The following CACNA1A variants were observed in gnomAD, a reference collection of about 807,000 sequenced individuals.
CACNA1A encodes the protein voltage-dependent P/Q-type calcium channel subunit alpha-1A.
CACNA1A carries 57 observed loss-of-function variants against 262.4 expected under a neutral mutation model. That is an observed-to-expected ratio of 0.22 (90% CI 0.18 to 0.27). CACNA1A has a LOEUF of 0.27. CACNA1A is among the 10% of genes least tolerant of loss of function. CACNA1A has a pLI of 1.00. For missense variants in CACNA1A, 2,526 were observed against 3,562.8 expected, an observed-to-expected ratio of 0.71 and a Z score of 7.41; for synonymous variants, 1,431 against 1,419.3, an observed-to-expected ratio of 1.01 and a Z score of -0.18.
In CACNA1A at chr19:13,212,283, AG is replaced by A; in HGVS notation, c.6190-68del. The stretch of plus-strand genomic sequence containing the variant: ...ACCTCCAGATCCCTGGTGTCTGCAG[AG>A]GGAGGGAGCTGCAGGTGTGTGTGTG... On this transcript the variant is annotated intron_variant, in intron 42 of 46. Transcript: ENST00000360228. The surrounding 1 kb of genome is among the most constrained non-coding windows in gnomAD (Gnocchi z 5.6). 6.4e-7 allele frequency: 1 copy of A among 1,568,498 alleles called. No individual in the cohort carries two copies. The highest frequency in any genetic ancestry group is 8.8e-7 in the Non-Finnish European group (1 of 1,140,698).
intron 22 of CACNA1A, among the ~76,000 whole-genome samples, chr19:13,282,538 T>A (rs2057315618): frequency 6.6e-6 from 1 of 151,834 alleles, no homozygotes; most frequent in South Asian, 2.1e-4. Flanking sequence ...ATACAGTAGG[T>A]GATTAGTAAA....
At chr19:13,443,669 A>G (rs2060763233) in intron 3 of CACNA1A, among the ~76,000 whole-genome samples, 1 of 152,162 alleles carries the variant, frequency 6.6e-6, no homozygotes, top group Non-Finnish European at 1.5e-5. Flanking sequence ...ATCATATTGT[A>G]AGCACCTCAT....
intron 10 of CACNA1A, among the ~76,000 whole-genome samples, chr19:13,321,497 A>G (rs1030628636): frequency 6.6e-6 from 1 of 152,170 alleles, no homozygotes; most frequent in African/African-American, 2.4e-5. Context: ...ATTGTTAGGC[A>G]ATTTTGTCCT....
chr19:13,467,260 C>A (rs116317348), intron 1 of CACNA1A, among the ~76,000 whole-genome samples: 3,050 of 152,014 alleles, frequency 0.02, 103 homozygotes, highest in African/African-American at 0.069. Flanking sequence ...ATTTTTTAAG[C>A]TTTTAAAAAA....
At chr19:13,296,732 G>C (rs1039389357) in intron 19 of CACNA1A, among the ~76,000 whole-genome samples, 5 of 151,442 alleles carry the variant, frequency 3.3e-5, no homozygotes, top group African/African-American at 9.7e-5. Flanking sequence ...CAATTCTAAC[G>C]GCCCAAAGTG....
intron 15 of CACNA1A, among the ~76,000 whole-genome samples, chr19:13,304,226 T>C (rs2057850860): frequency 6.6e-6 from 1 of 152,032 alleles, no homozygotes; most frequent in Non-Finnish European, 1.5e-5. Flanking sequence ...AATTCATGAG[T>C]TGAAGCCCTA....
intron 3 of CACNA1A, among the ~76,000 whole-genome samples, chr19:13,375,377 GGTCAGTGTATAACT>G (rs2059387489): frequency 6.6e-6 from 1 of 152,026 alleles, no homozygotes; most frequent in Non-Finnish European, 1.5e-5. Flanking sequence ...ATTGAAATTA[GGTCAGTGTATAACT>G]GTACAATGGC....
chr19:13,418,448 C>A (rs1196383035), intron 3 of CACNA1A, among the ~76,000 whole-genome samples: 1 of 152,030 alleles, frequency 6.6e-6, no homozygotes, highest in Non-Finnish European at 1.5e-5. Context: ...GGAATGCTAC[C>A]TTATTTAGAA....
intron 6 of CACNA1A, among the ~76,000 whole-genome samples, chr19:13,341,925 C>T (rs960285274): frequency 6.6e-6 from 1 of 152,172 alleles, no homozygotes; most frequent in Admixed American, 6.6e-5. Flanking sequence ...ATCTGGCACA[C>T]AGTCGGTGCT....
At chr19:13,452,272 C>T (rs989823264) in intron 3 of CACNA1A, 4 of 152,248 alleles carry the variant, frequency 2.6e-5, no homozygotes, top group East Asian at 1.9e-4. Flanking sequence ...ATTTCAACCA[C>T]AGTTCATCAT....
intron 3 of CACNA1A, among the ~76,000 whole-genome samples, chr19:13,392,896 G>A (rs1408691361): frequency 2.6e-5 from 4 of 152,120 alleles, no homozygotes; most frequent in African/African-American, 7.2e-5. Flanking sequence ...ACAGGCACAC[G>A]CCACCATGCT....
chr19:13,413,903 G>GAAAAGAAAAGAAAAGA lies in CACNA1A; in HGVS notation c.539+38972_539+38973insTCTTTTCTTTTCTTTT, dbSNP rs201393796. ...CAAGAAAGAAAGAAAGAAAAAGAAA[G>GAAAAGAAAAGAAAAGA]AAAGAAAGAAAGAAAGAAAGAAAGA... On this transcript the variant is annotated intron_variant, in intron 3 of 46. Coordinates refer to ENST00000360228, the MANE Select transcript of CACNA1A (RefSeq NM_001127222.2). Among the ~76,000 whole-genome samples, 158 of 59,296 alleles carry GAAAAGAAAAGAAAAGA rather than the reference G, an allele frequency of 2.7e-3. 3 individuals are homozygous for GAAAAGAAAAGAAAAGA. Among genetic ancestry groups the GAAAAGAAAAGAAAAGA allele is most frequent in the East Asian group, 0.021 (43 of 2,022 alleles). The allele number at this position is 59,296 out of a possible 152,430, so 38.9% of individuals were successfully genotyped here. A position where few individuals can be genotyped will look rare whatever the true frequency, so the allele number is the denominator to read the frequency against.
chr19:13,334,067 C>T, intron 8 of CACNA1A: 1 of 291,248 alleles, frequency 3.4e-6, no homozygotes, highest in Non-Finnish European at 6.5e-6. Flanking sequence ...CTACCATCGC[C>T]TCCATGTAAC....
chr19:13,402,765 T>TAC (rs2059919857), intron 3 of CACNA1A, among the ~76,000 whole-genome samples: 1 of 130,990 alleles, frequency 7.6e-6, no homozygotes, highest in African/African-American at 3.0e-5. Context: ...CACACATATA[T>TAC]ATACATATAT....
intron 45 of CACNA1A, 108 bp from the exon 46 acceptor site, chr19:13,209,117 C>G (rs1255362911): frequency 6.8e-7 from 1 of 1,474,228 alleles, no homozygotes; most frequent in Non-Finnish European, 9.1e-7. Context: ...TAGAGATCCC[C>G]TGAACCGAGG....
At chr19:13,414,183 G>A (rs746248802) in intron 3 of CACNA1A, among the ~76,000 whole-genome samples, 3 of 151,720 alleles carry the variant, frequency 2.0e-5, no homozygotes, top group Non-Finnish European at 4.4e-5. Context: ...CTTTGAGTCC[G>A]GGAGTTTGAG....
intron 34 of CACNA1A, among the ~76,000 whole-genome samples, chr19:13,233,195 C>T (rs147057354): frequency 6.6e-6 from 1 of 152,108 alleles, no homozygotes; most frequent in South Asian, 2.1e-4. Context: ...GGCCTTTACA[C>T]AGGCAGTCCC....
chr19:13,207,960 T>TG lies in CACNA1A; in HGVS notation c.6873dup (p.Thr2292HisfsTer14). 8.9e-7 allele frequency: 1 copy of TG among 1,121,162 alleles called. No individual in the cohort carries two copies. The highest frequency in any genetic ancestry group is 1.1e-6 in the Non-Finnish European group (1 of 924,028). 69.5% of individuals were successfully genotyped at this position (1,121,162 alleles called of 1,614,324 possible). On this transcript the variant is annotated frameshift_variant, in exon 47 of 47. Coordinates refer to ENST00000360228, the MANE Select transcript of CACNA1A (RefSeq NM_001127222.2). LOFTEE classifies it low-confidence loss of function (END_TRUNC). This position sits in a 1 kb window ranked among gnomAD's most constrained non-coding sequence, Gnocchi z 5.7. Reference sequence around the variant, plus strand: ...GAATAGGACACGTGTGGCCGGGGGGTGGAGGGGGTCTGGGGGAGCTGGCGG... The same window carrying TG: ...GAATAGGACACGTGTGGCCGGGGGGTGGGAGGGGGTCTGGGGGAGCTGGCGG...
intron 1 of CACNA1A, among the ~76,000 whole-genome samples, chr19:13,505,427 GC>G (rs1010321333): frequency 1.5e-4 from 23 of 152,212 alleles, no homozygotes; most frequent in African/African-American, 5.5e-4. Context: ...AAGTGCGGCG[GC>G]CCCCCACCTT....
Sources: gnomAD v4.1 joint callset for allele counts (sites outside exome capture counted in the v4.1 genomes callset) on GRCh38, gnomAD v4.1.1 for gene constraint, Gnocchi (gnomAD v3.1) non-coding constraint, MANE v1.5 for transcripts, NCBI Gene and HGNC (gene_info 2026-07-23, HGNC 2026-07-21) for gene names.